GRID2: variants seen among roughly 807,000 people sequenced by gnomAD.
GRID2 encodes glutamate ionotropic receptor delta type subunit 2.
GRID2 carries 33 observed loss-of-function variants against 114.8 expected under a neutral mutation model. The ratio of observed to expected loss-of-function variants is 0.29; its 90% CI spans 0.22 to 0.38. The LOEUF (loss-of-function observed/expected upper bound fraction) is 0.38, where lower values mean the gene tolerates loss of function less well. GRID2 is among the 10% of genes least tolerant of loss of function. The pLI is 1.00. For missense variants in GRID2, 1,184 were observed against 1,257.7 expected (o/e 0.94, Z 0.89); for synonymous variants, 505 against 449.9 (o/e 1.12, Z -1.55).
intron 12 of GRID2, among the ~76,000 whole-genome samples, chr4:93,509,816 A>T (rs141479459): frequency 6.6e-6 from 1 of 152,136 alleles, no homozygotes; most frequent in African/African-American, 2.4e-5. Flanking sequence ...CCCTCACGGC[A>T]TATTAGTTGT....
intron 1 of GRID2, among the ~76,000 whole-genome samples, chr4:92,432,663 G>T (rs1460116133): frequency 6.6e-6 from 1 of 152,152 alleles, no homozygotes; most frequent in Non-Finnish European, 1.5e-5. Context: ...GTGGCACAGT[G>T]CAAGTCCAGA....
intron 8 of GRID2, among the ~76,000 whole-genome samples, chr4:93,291,870 A>G (rs1753794461): frequency 1.3e-5 from 2 of 151,938 alleles, no homozygotes; most frequent in Admixed American, 1.3e-4. Flanking sequence ...TGGCTGCATC[A>G]AATTAATTAG....
intron 2 of GRID2, among the ~76,000 whole-genome samples, chr4:92,742,846 TAAAAG>T (rs1448910841): frequency 1.3e-5 from 2 of 152,036 alleles, no homozygotes; most frequent in Non-Finnish European, 2.9e-5. Flanking sequence ...AAGAAGAAAA[TAAAAG>T]GAGAATTAAG....
chr4:93,630,512 A>G (rs1168056413), intron 14 of GRID2, among the ~76,000 whole-genome samples: 1 of 152,198 alleles, frequency 6.6e-6, no homozygotes, highest in Non-Finnish European at 1.5e-5. Context: ...GGATATTGGG[A>G]AAAATTCATT....
chr4:92,989,648 A>G (rs1480662236), intron 2 of GRID2, among the ~76,000 whole-genome samples: 1 of 152,198 alleles, frequency 6.6e-6, no homozygotes, highest in Non-Finnish European at 1.5e-5. Context: ...GACAGAGCTA[A>G]TTTTAATAAA....
At chr4:92,414,340 C>T (rs1236024193) in intron 1 of GRID2, among the ~76,000 whole-genome samples, 2 of 152,184 alleles carry the variant, frequency 1.3e-5, no homozygotes, top group Non-Finnish European at 2.9e-5. Flanking sequence ...GCACACAAAT[C>T]TGCAAAACTT....
intron 8 of GRID2, among the ~76,000 whole-genome samples, chr4:93,365,300 CT>C (rs1389451838): frequency 2.6e-5 from 4 of 152,154 alleles, no homozygotes; most frequent in Admixed American, 6.5e-5. Flanking sequence ...AGTGAAGCAT[CT>C]TTTGCCTCCT....
intron 2 of GRID2, among the ~76,000 whole-genome samples, chr4:92,727,021 A>G (rs191105406): frequency 6.7e-4 from 102 of 152,202 alleles, no homozygotes; most frequent in Middle Eastern, 3.4e-3. Flanking sequence ...GTAGGAAAAC[A>G]TAGGCTTCAA....
At chr4:92,880,816 G>T (rs1220109796) in intron 2 of GRID2, among the ~76,000 whole-genome samples, 1 of 151,852 alleles carries the variant, frequency 6.6e-6, no homozygotes, top group Non-Finnish European at 1.5e-5. Context: ...CTGCCTCCCG[G>T]GTTCAAGTGA....
Position 92,612,128 on chromosome 4 carries a change from C to T in GRID2, c.244+21842C>T, listed in dbSNP as rs149419816. On this transcript the variant is annotated intron_variant, in intron 2 of 15. Transcript: ENST00000282020. ...TTTAACTTTTATATGTAAGTCTATCCGTTATTTTGTGTTTGTGTTTGAGTA... is the reference window on the plus strand; with the variant it reads ...TTTAACTTTTATATGTAAGTCTATCTGTTATTTTGTGTTTGTGTTTGAGTA... Among the ~76,000 whole-genome samples, 171 of 151,110 alleles carry T rather than the reference C, an allele frequency of 1.1e-3. 3 individuals are homozygous for T. Among genetic ancestry groups the T allele is most frequent in the African/African-American group, 3.8e-3 (157 of 41,320 alleles).
At chr4:92,634,877 G>C (rs76627802) in intron 2 of GRID2, among the ~76,000 whole-genome samples, 1 of 120,904 alleles carries the variant, frequency 8.3e-6, no homozygotes, top group Non-Finnish European at 1.8e-5. Flanking sequence ...GAGAGAGAGA[G>C]AAAGAGAGAG....
At chr4:93,735,213 A>T (rs1036445062) in intron 14 of GRID2, among the ~76,000 whole-genome samples, 3 of 152,040 alleles carry the variant, frequency 2.0e-5, no homozygotes, top group African/African-American at 7.2e-5. Flanking sequence ...AAATGGAATC[A>T]GTAAAAAGTC....
intron 1 of GRID2, among the ~76,000 whole-genome samples, chr4:92,360,505 G>T (rs957494647): frequency 6.6e-6 from 1 of 151,904 alleles, no homozygotes; most frequent in East Asian, 1.9e-4. Context: ...AAAAAATGCG[G>T]TTCTTTTCCT....
At chr4:92,933,617 A>G (rs1295262369) in intron 2 of GRID2, among the ~76,000 whole-genome samples, 4 of 151,494 alleles carry the variant, frequency 2.6e-5, no homozygotes, top group East Asian at 1.9e-4. Context: ...TTTTCCAAAC[A>G]TATTTTCTGT....
chr4:93,377,069 T>C (rs1763450578), intron 8 of GRID2, among the ~76,000 whole-genome samples: 1 of 152,212 alleles, frequency 6.6e-6, no homozygotes, highest in South Asian at 2.1e-4. Flanking sequence ...TAGAGATATA[T>C]ACCAGAATAG....
rs1210614881 is a variant in GRID2 at position 92,590,284 on chromosome 4, A to T, written c.242A>T (p.Glu81Val). 6.2e-7 allele frequency: 1 copy of T among 1,609,396 alleles called. No individual in the cohort carries two copies. Among genetic ancestry groups the T allele is most frequent in the Non-Finnish European group, 8.5e-7 (1 of 1,177,472 alleles). The stretch of plus-strand genomic sequence containing the variant: ...AACAACCCTTTCCAAGCAGTTCAAG[A>T]AGGTAAGGTCATCAGTATTTATTTT... ...DGNNPFQAVQ[E>V]ACELMNQGIL... Residue 81 changes from glutamate to valine, a missense_variant and splice_region_variant, in exon 2 of 16, where the codon GAA becomes GTA. Glu to Val is a moderately radical substitution (Grantham distance 121). This residue lies in a region of GRID2 where 455 missense variants were observed against 429.5 expected (regional missense o/e 1.06). Transcript: ENST00000282020.
At chr4:93,689,692 A>G (rs1726377898) in intron 14 of GRID2, among the ~76,000 whole-genome samples, 1 of 152,124 alleles carries the variant, frequency 6.6e-6, no homozygotes, top group African/African-American at 2.4e-5. Flanking sequence ...CTTTACAAAC[A>G]TGAAGAAAAC....
chr4:93,298,258 A>G (rs567569219), intron 8 of GRID2, among the ~76,000 whole-genome samples: 48 of 152,314 alleles, frequency 3.2e-4, no homozygotes, highest in Admixed American at 5.2e-4. Context: ...ACAAAGTGCC[A>G]TAGGCTGAAT....
At chr4:93,164,550 C>T (rs2149412935) in intron 4 of GRID2, among the ~76,000 whole-genome samples, 1 of 152,040 alleles carries the variant, frequency 6.6e-6, no homozygotes, top group South Asian at 2.1e-4. Flanking sequence ...TTTGTCCTTC[C>T]AAAATTAGTC....
Sources: gnomAD v4.1 joint callset for allele counts (sites outside exome capture counted in the v4.1 genomes callset) on GRCh38, gnomAD v4.1.1 for gene constraint, gnomAD v4.1.1 regional missense constraint, MANE v1.5 for transcripts, NCBI Gene and HGNC (gene_info 2026-07-23, HGNC 2026-07-21) for gene names.